TENM3: variants seen among roughly 807,000 people sequenced by gnomAD.
The protein encoded by TENM3 is teneurin-3.
In TENM3, 63 loss-of-function variants were observed where a neutral mutation model predicts 255.1. The ratio of observed to expected loss-of-function variants is 0.25; its 90% confidence interval spans 0.20 to 0.30. The LOEUF (loss-of-function observed/expected upper bound fraction) is 0.30. Ranked by LOEUF, TENM3 falls within the 10% of genes least tolerant of loss-of-function variation. The pLI is 1.00. For synonymous variants in TENM3, 1,306 were observed against 1,322.3 expected, an observed-to-expected ratio of 0.99 and a Z score of 0.27; for missense variants, 2,929 against 3,461.1, an observed-to-expected ratio of 0.85 and a Z score of 3.86.
chr4:182,460,063 C>T (rs779557293), intron 3 of TENM3, among the ~76,000 whole-genome samples: 9 of 152,038 alleles, frequency 5.9e-5, no homozygotes, highest in Non-Finnish European at 1.0e-4. Flanking sequence ...TAAATTCTAA[C>T]GAGGTACCTT....
chr4:181,971,930 T>C, the TENM3 span, among the ~76,000 whole-genome samples: 6 of 152,068 alleles, frequency 3.9e-5, no homozygotes, highest in Non-Finnish European at 8.8e-5. Flanking sequence ...ATTGAATTAA[T>C]TTGACCATAA....
At chr4:181,660,384 T>C in the TENM3 span, among the ~76,000 whole-genome samples, 1 of 152,142 alleles carries the variant, frequency 6.6e-6, no homozygotes, top group Admixed American at 6.5e-5. Flanking sequence ...TTTTGACAGA[T>C]CATTATTCAT....
intron 2 of TENM3, among the ~76,000 whole-genome samples, chr4:182,332,672 C>T (rs112935765): frequency 0.092 from 13,254 of 144,824 alleles, 747 homozygotes; most frequent in Admixed American, 0.19. Context: ...CAAGCCTGGG[C>T]GACAGAGCAA....
At chr4:182,518,611 A>G (rs1168751949) in intron 3 of TENM3, among the ~76,000 whole-genome samples, 1 of 152,180 alleles carries the variant, frequency 6.6e-6, no homozygotes, top group African/African-American at 2.4e-5. Flanking sequence ...GCTGCAAGGA[A>G]GTGAGTTCTG....
At chr4:181,715,079 TA>T in the TENM3 span, among the ~76,000 whole-genome samples, 1 of 152,246 alleles carries the variant, frequency 6.6e-6, no homozygotes, top group African/African-American at 2.4e-5. Context: ...CCCATTTTCT[TA>T]ATTATACGTG....
the TENM3 span, among the ~76,000 whole-genome samples, chr4:181,626,659 G>GCT: frequency 6.6e-6 from 1 of 152,102 alleles, no homozygotes; most frequent in Non-Finnish European, 1.5e-5. Context: ...ATGGAGCTCA[G>GCT]CCATTCGTGA....
In TENM3 at chr4:182,653,703, A is replaced by G. The variant is rs190494702; in HGVS notation, c.989-68A>G. 197 of 1,492,716 alleles carry G rather than the reference A, an allele frequency of 1.3e-4. 1 individual carries two copies. In the African/African-American group the frequency reaches 2.6e-3, roughly 20 times the overall value. The allele number at this position is 1,492,716 out of a possible 1,614,324, so 92.5% of individuals were successfully genotyped here. A position where few individuals can be genotyped will look rare whatever the true frequency, so the allele number is the denominator to read the frequency against. On this transcript the variant is annotated intron_variant, in intron 5 of 27. Coordinates refer to ENST00000511685, the MANE Select transcript of TENM3 (RefSeq NM_001080477.4). Reference sequence around the variant, plus strand: ...TTTACATATGACTCTTGTTTTAAACATGCTTAGCAATTGCCGTTGTAGCTG... The same window carrying G: ...TTTACATATGACTCTTGTTTTAAACGTGCTTAGCAATTGCCGTTGTAGCTG...
At chr4:182,347,126 A>G (rs2150674020) in intron 3 of TENM3, among the ~76,000 whole-genome samples, 197 bp downstream of exon 3, 1 of 152,170 alleles carries the variant, frequency 6.6e-6, no homozygotes, top group South Asian at 2.1e-4. Context: ...CCTGGAAAAA[A>G]AAATCAATAT....
At chr4:182,519,191 AATT>A (rs1738306223) in intron 3 of TENM3, among the ~76,000 whole-genome samples, 1 of 152,142 alleles carries the variant, frequency 6.6e-6, no homozygotes, top group African/African-American at 2.4e-5. Flanking sequence ...AAAATATGTC[AATT>A]ATTGTTATGT....
At chr4:182,300,421 G>T (rs1761784672) in intron 1 of TENM3, among the ~76,000 whole-genome samples, 1 of 152,122 alleles carries the variant, frequency 6.6e-6, no homozygotes, top group Non-Finnish European at 1.5e-5. Flanking sequence ...TTGAATTATG[G>T]GATCTGATGT....
intron 27 of TENM3, among the ~76,000 whole-genome samples, chr4:182,798,915 G>A (rs1239680101): frequency 1.3e-5 from 2 of 152,090 alleles, no homozygotes; most frequent in African/African-American, 4.8e-5. Flanking sequence ...AGAAATGGCT[G>A]AGTTAAGATG....
the TENM3 span, among the ~76,000 whole-genome samples, chr4:181,870,229 C>T: frequency 2.0e-5 from 3 of 152,030 alleles, no homozygotes; most frequent in African/African-American, 7.2e-5. Context: ...AATCATTCTC[C>T]TCCTGTATAT....
the TENM3 span, among the ~76,000 whole-genome samples, chr4:181,530,016 G>C: frequency 1.3e-5 from 2 of 152,072 alleles, no homozygotes; most frequent in Non-Finnish European, 2.9e-5. Flanking sequence ...CATAAAGTTT[G>C]GCTCTTCTCT....
In TENM3 at chr4:182,755,929, A is replaced by T. The variant is rs577116141; in HGVS notation, c.4892+670A>T. ...CCTTGGAAAGGGAAGGGACTCGTGT[A>T]AGGGAGAAGCCCAAAGCTTAAGTTT... is the stretch of plus-strand genomic sequence containing the variant. On this transcript the variant is annotated intron_variant, in intron 22 of 27. Coordinates refer to ENST00000511685, the MANE Select transcript of TENM3 (RefSeq NM_001080477.4). 4.1e-4 allele frequency among the ~76,000 whole-genome samples: 62 copies of T among 152,328 alleles called. 2 individuals are homozygous for T. The South Asian group carries it at 0.012, about 29-fold the overall frequency.
chr4:181,865,765 A>G, the TENM3 span, among the ~76,000 whole-genome samples: 1 of 152,186 alleles, frequency 6.6e-6, no homozygotes, highest in Non-Finnish European at 1.5e-5. Context: ...GTAGCGCTTT[A>G]GAAATCCGGT....
chr4:182,458,959 AT>A (rs1774112457), intron 3 of TENM3, among the ~76,000 whole-genome samples: 1 of 152,186 alleles, frequency 6.6e-6, no homozygotes, highest in Non-Finnish European at 1.5e-5. Context: ...TTATGAATAG[AT>A]TGTTACTTTT....
At chr4:182,138,923 G>T in the TENM3 span, among the ~76,000 whole-genome samples, 6 of 152,206 alleles carry the variant, frequency 3.9e-5, no homozygotes, top group Non-Finnish European at 8.8e-5. Context: ...GGTCAGAGAA[G>T]TAGAACAGTG....
At chr4:182,777,257 T>C (rs942222515) in intron 24 of TENM3, among the ~76,000 whole-genome samples, 5 of 152,134 alleles carry the variant, frequency 3.3e-5, no homozygotes, top group African/African-American at 1.2e-4. Context: ...CATTTTTAAG[T>C]TGTTGACCTA....
At chr4:182,468,099 G>A (rs145637797) in intron 3 of TENM3, among the ~76,000 whole-genome samples, 1 of 152,046 alleles carries the variant, frequency 6.6e-6, no homozygotes. Context: ...GTTTAAAAAT[G>A]TTTTAGGCCG....
Sources: gnomAD v4.1 joint callset for allele counts (sites outside exome capture counted in the v4.1 genomes callset) on GRCh38, gnomAD v4.1.1 for gene constraint, MANE v1.5 for transcripts, NCBI Gene and HGNC (gene_info 2026-07-23, HGNC 2026-07-21) for gene names.